Variants in GASK1A observed in about 807,000 individuals in gnomAD.
The protein encoded by GASK1A is Golgi-associated kinase 1A.
In GASK1A, 40 loss-of-function variants were observed where a neutral mutation model predicts 41.2. That is an observed-to-expected ratio of 0.97 (90% CI 0.75 to 1.27). The LOEUF (loss-of-function observed/expected upper bound fraction) is 1.27, where lower values mean the gene tolerates loss of function less well. GASK1A is among the 50% of genes most tolerant of loss of function. The pLI is 0.00. For missense variants in GASK1A, 678 were observed against 745.1 expected (o/e 0.91, Z 1.05); for synonymous variants, 316 against 307.1 (o/e 1.03, Z -0.30).
In GASK1A at chr3:42,989,610, C is replaced by CT. The variant is rs1230496622; in HGVS notation, c.3+10002dup. The stretch of plus-strand genomic sequence containing the variant: ...TATCATGGAAAATCCTACCTGCTTT[C>CT]TTTTTTTTTTTTTTTTTTTTTTTTT... On this transcript the variant is annotated intron_variant, in intron 1 of 4. Transcript: ENST00000430121. Among the ~76,000 whole-genome samples, 3 of 2,490 alleles carry CT rather than the reference C, an allele frequency of 1.2e-3. 1 individual carries two copies. Among genetic ancestry groups the CT allele is most frequent in the African/African-American group, 4.7e-4 (1 of 2,116 alleles). 1.6% of individuals were successfully genotyped at this position (2,490 alleles called of 152,430 possible). A position where few individuals can be genotyped will look rare whatever the true frequency, so the allele number is the denominator to read the frequency against.
chr3:43,055,708 A>G, intron 4 of GASK1A, 173 bp downstream of exon 4: 4 of 595,430 alleles, frequency 6.7e-6, no homozygotes, highest in Non-Finnish European at 1.2e-5. Flanking sequence ...GAGAGGGGAT[A>G]CAGTTGGCAG....
At chr3:42,985,439 A>G (rs1390661271) in intron 1 of GASK1A, among the ~76,000 whole-genome samples, 1 of 152,142 alleles carries the variant, frequency 6.6e-6, no homozygotes, top group African/African-American at 2.4e-5. Flanking sequence ...TTCATTTATA[A>G]AATGTCTGCT....
chr3:43,053,373 G>T, intron 2 of GASK1A, 148 bp from the exon 3 acceptor site: 1 of 876,068 alleles, frequency 1.1e-6, no homozygotes, highest in Non-Finnish European at 1.7e-6. Flanking sequence ...GCCCCATTTA[G>T]TAATGACCAG....
At chr3:43,045,786 G>T (rs1225577823) in intron 2 of GASK1A, among the ~76,000 whole-genome samples, 3 of 152,182 alleles carry the variant, frequency 2.0e-5, no homozygotes, top group Admixed American at 1.3e-4. Flanking sequence ...GAATCATGGG[G>T]GTTGGTTTCC....
At chr3:42,980,785 A>C (rs928948401) in intron 1 of GASK1A, among the ~76,000 whole-genome samples, 3 of 152,118 alleles carry the variant, frequency 2.0e-5, no homozygotes, top group Non-Finnish European at 4.4e-5. Context: ...TTTTTTCTCA[A>C]AGCTGCTAAG....
chr3:43,053,377 T>C (rs546692407), intron 2 of GASK1A, 144 bp from the exon 3 acceptor site: 198 of 897,954 alleles, frequency 2.2e-4, no homozygotes, highest in Non-Finnish European at 3.0e-4. Context: ...CATTTAGTAA[T>C]GACCAGCACA....
intron 1 of GASK1A, among the ~76,000 whole-genome samples, chr3:43,025,852 A>C (rs2089544770): frequency 6.6e-6 from 1 of 152,228 alleles, no homozygotes; most frequent in African/African-American, 2.4e-5. Context: ...CTGCATCCTC[A>C]CCTTACCCTG....
Position 43,055,446 on chromosome 3 carries a change from T to C in GASK1A, c.1428T>C (p.Asp476=). The C allele has an allele frequency of 6.4e-7, 1 of 1,551,602 alleles. No homozygotes were observed. Among genetic ancestry groups the C allele is most frequent in the Non-Finnish European group, 8.7e-7 (1 of 1,146,864 alleles). The change falls in exon 4 of 5, where the codon GAT becomes GAC. Residue 476 remains aspartate (D), a synonymous_variant. Transcript: ENST00000430121. ...RLVHILVRSS[D]PSHLVYIDNA... ...TCTTCCCTGAGGTCCGGAGCAGCGA[T>C]CCATCTCACCTGGTCTACATCGATA...
At chr3:43,034,716 T>C (rs2089596559) in intron 2 of GASK1A, among the ~76,000 whole-genome samples, 1 of 152,198 alleles carries the variant, frequency 6.6e-6, no homozygotes, top group Non-Finnish European at 1.5e-5. Context: ...TTAGATAATA[T>C]GTAATACTTC....
At chr3:43,037,371 C>T (rs998695297) in intron 2 of GASK1A, 7 of 943,078 alleles carry the variant, frequency 7.4e-6, no homozygotes, top group East Asian at 4.8e-5. Flanking sequence ...TACAAATCCT[C>T]ATTGAAATGC....
intron 1 of GASK1A, among the ~76,000 whole-genome samples, chr3:43,016,700 G>A (rs760607826): frequency 3.9e-5 from 6 of 151,970 alleles, no homozygotes; most frequent in South Asian, 2.1e-4. Flanking sequence ...CATAGGAAGC[G>A]GCAGTGGGAA....
intron 1 of GASK1A, among the ~76,000 whole-genome samples, chr3:43,001,222 G>A (rs532850736): frequency 1.3e-5 from 2 of 152,152 alleles, no homozygotes; most frequent in African/African-American, 2.4e-5. Context: ...AGCCGACCCC[G>A]GGTCATATGC....
At chr3:43,019,686 C>G (rs571915343) in intron 1 of GASK1A, among the ~76,000 whole-genome samples, 1 of 151,936 alleles carries the variant, frequency 6.6e-6, no homozygotes, top group South Asian at 2.1e-4. Flanking sequence ...GGGCAAAGGT[C>G]GGGGAACAGA....
At chr3:42,980,163 C>T (rs1460013566) in intron 1 of GASK1A, among the ~76,000 whole-genome samples, 2 of 152,124 alleles carry the variant, frequency 1.3e-5, no homozygotes, top group East Asian at 3.8e-4. Context: ...GGTTCCAATC[C>T]GCCTTCCTCT....
At chr3:43,004,842 G>A (rs923261947) in intron 1 of GASK1A, among the ~76,000 whole-genome samples, 3 of 152,166 alleles carry the variant, frequency 2.0e-5, no homozygotes, top group Non-Finnish European at 4.4e-5. Flanking sequence ...GGTTTAAAAC[G>A]ACACGAATTA....
intron 2 of GASK1A, among the ~76,000 whole-genome samples, chr3:43,040,949 C>A (rs1255058895): frequency 6.7e-6 from 1 of 149,588 alleles, no homozygotes; most frequent in African/African-American, 2.5e-5. Flanking sequence ...TGTTCAATTC[C>A]CACCTATGAG....
In GASK1A at chr3:43,033,230, C is replaced by A. The variant is rs752883117; in HGVS notation, c.967C>A (p.Pro323Thr). The change falls in exon 2 of 5, where the codon CCT (proline) becomes ACT (threonine). Residue 323 changes from proline to threonine, a missense_variant. Physicochemically the swap from Pro to Thr is conservative, Grantham distance 38. Coordinates refer to ENST00000430121, the MANE Select transcript of GASK1A (RefSeq NM_001129908.3). Reference protein sequence around the residue: ...SQGLCGLIKRPGDLPEVLSFH... With the variant: ...SQGLCGLIKRTGDLPEVLSFH... ...AGGGCTCTGTGGCCTGATCAAGAGGCCTGGGGACCTGCCTGAGGTCCTGTC... is the reference window on the plus strand; with the variant it reads ...AGGGCTCTGTGGCCTGATCAAGAGGACTGGGGACCTGCCTGAGGTCCTGTC... The A allele has an allele frequency of 6.4e-5, 100 of 1,551,592 alleles. No individual in the cohort carries two copies. The highest frequency in any genetic ancestry group is 1.7e-4 in the Middle Eastern group (1 of 6,014).
intron 2 of GASK1A, among the ~76,000 whole-genome samples, chr3:43,041,761 C>T (rs1208524090): frequency 6.6e-6 from 1 of 152,228 alleles, no homozygotes; most frequent in Non-Finnish European, 1.5e-5. Flanking sequence ...TACCTCATTA[C>T]ATTTGCTGGT....
At chr3:43,051,359 T>G (rs1276771800) in intron 2 of GASK1A, among the ~76,000 whole-genome samples, 1 of 152,220 alleles carries the variant, frequency 6.6e-6, no homozygotes, top group South Asian at 2.1e-4. Context: ...GTAAGTCTCC[T>G]AGTCTTTGCC....
Sources: allele counts gnomAD v4.1 joint callset (sites outside exome capture counted in the v4.1 genomes callset), GRCh38; gene constraint gnomAD v4.1.1; transcripts MANE v1.5; gene names NCBI Gene and HGNC (gene_info 2026-07-23, HGNC 2026-07-21).